Variants in DLGAP1 observed in about 807,000 individuals in gnomAD.
DLGAP1 encodes disks large-associated protein 1.
DLGAP1 carries 11 observed loss-of-function variants against 90.8 expected under a neutral mutation model. The observed-to-expected ratio is 0.12, with a 90% confidence interval of 0.08 to 0.20. The LOEUF is 0.20. Ranked by LOEUF, DLGAP1 falls within the 10% of genes least tolerant of loss-of-function variation. The pLI is 1.00. For synonymous variants in DLGAP1, 558 were observed against 540.7 expected (o/e 1.03, Z -0.44); for missense variants, 1,050 against 1,333.8 (o/e 0.79, Z 3.31).
intron 3 of DLGAP1, among the ~76,000 whole-genome samples, chr18:3,893,702 G>A (rs867112903): frequency 3.3e-5 from 5 of 151,838 alleles, no homozygotes; most frequent in Non-Finnish European, 4.4e-5. Context: ...ATAAACATGA[G>A]TGCAGGTATC....
chr18:4,354,128 C>T (rs190866577), intron 1 of DLGAP1, among the ~76,000 whole-genome samples: 1 of 152,290 alleles, frequency 6.6e-6, no homozygotes, highest in African/African-American at 2.4e-5. Flanking sequence ...CTGAAGGGGC[C>T]TCAAAAGCAA....
chr18:4,391,580 A>G (rs2082341247), intron 1 of DLGAP1, among the ~76,000 whole-genome samples: 1 of 152,136 alleles, frequency 6.6e-6, no homozygotes, highest in African/African-American at 2.4e-5. Context: ...CTTGAAGGAA[A>G]TTGAAGAAGC....
intron 3 of DLGAP1, among the ~76,000 whole-genome samples, chr18:3,960,805 T>G (rs889992231): frequency 2.0e-5 from 3 of 152,174 alleles, no homozygotes; most frequent in African/African-American, 7.2e-5. Flanking sequence ...GGCCCCCTCT[T>G]GCAGTTGTGG....
At chr18:4,389,805 G>C (rs1322553211) in intron 1 of DLGAP1, among the ~76,000 whole-genome samples, 3 of 152,156 alleles carry the variant, frequency 2.0e-5, no homozygotes, top group Non-Finnish European at 4.4e-5. Context: ...TCACGAGTTT[G>C]CTGTTGGCAC....
chr18:4,079,726 G>A (rs1292911651), intron 2 of DLGAP1, among the ~76,000 whole-genome samples: 1 of 151,028 alleles, frequency 6.6e-6, no homozygotes, highest in Non-Finnish European at 1.5e-5. Flanking sequence ...AAGAAAATCA[G>A]TGTGTGTATG....
intron 7 of DLGAP1, among the ~76,000 whole-genome samples, chr18:3,623,645 C>T (rs1022260103): frequency 1.3e-5 from 2 of 151,940 alleles, no homozygotes; most frequent in East Asian, 1.9e-4. Flanking sequence ...GGCGTGGTGG[C>T]GCATGCCTGT....
intron 1 of DLGAP1, among the ~76,000 whole-genome samples, chr18:4,415,341 G>A (rs2144641216): frequency 6.6e-6 from 1 of 152,216 alleles, no homozygotes; most frequent in South Asian, 2.1e-4. Flanking sequence ...TGGCACATGT[G>A]ATATGACAAT....
At chr18:3,975,023 G>T (rs569868672) in intron 3 of DLGAP1, among the ~76,000 whole-genome samples, 1 of 152,250 alleles carries the variant, frequency 6.6e-6, no homozygotes, top group Admixed American at 6.5e-5. Context: ...GCCAGGGGCT[G>T]GGCAAGGGGA....
chr18:4,282,397 A>G (rs891257168), intron 1 of DLGAP1, among the ~76,000 whole-genome samples: 3 of 151,634 alleles, frequency 2.0e-5, no homozygotes, highest in African/African-American at 7.3e-5. Flanking sequence ...AAATGATAGA[A>G]TTTTCTGCTG....
chr18:3,506,855 A>G (rs1050192918), intron 11 of DLGAP1, among the ~76,000 whole-genome samples: 3 of 152,226 alleles, frequency 2.0e-5, no homozygotes, highest in African/African-American at 7.2e-5. Flanking sequence ...GGAGTTCTGT[A>G]CCTGGCCCAC....
chr18:3,924,238 T>C (rs2072331854), intron 3 of DLGAP1, among the ~76,000 whole-genome samples: 1 of 152,220 alleles, frequency 6.6e-6, no homozygotes, highest in Non-Finnish European at 1.5e-5. Flanking sequence ...AAAGCCCATT[T>C]ATCATCTTGC....
Position 3,568,966 on chromosome 18 carries a change from A to G in DLGAP1, c.1966-1385T>C, listed in dbSNP as rs192175185. Among the ~76,000 whole-genome samples the G allele has an allele frequency of 4.3e-3, 636 of 148,570 alleles. 5 individuals are homozygous for G. The highest frequency in any genetic ancestry group is 0.013 in the African/African-American group (525 of 40,674). On this transcript the variant is annotated intron_variant, in intron 8 of 12. Transcript: ENST00000315677. ...CTCCCAAAGTGCTGGGATTACAGCC[A>G]TGAGCCACCACGCCTGGCCTAAATG...
chr18:4,445,835 T>C (rs2083651081), intron 1 of DLGAP1, among the ~76,000 whole-genome samples: 2 of 152,034 alleles, frequency 1.3e-5, no homozygotes, highest in Admixed American at 1.3e-4. Context: ...TGAGTAGTCA[T>C]AAAATGTGTG....
At chr18:3,548,219 A>G (rs769315681) in intron 9 of DLGAP1, among the ~76,000 whole-genome samples, 1 of 152,182 alleles carries the variant, frequency 6.6e-6, no homozygotes, top group Non-Finnish European at 1.5e-5. Flanking sequence ...TGAATTGTAT[A>G]CCTTAAAATG....
At chr18:4,082,352 A>AAAAAG (rs1482500123) in intron 2 of DLGAP1, among the ~76,000 whole-genome samples, 15 of 148,192 alleles carry the variant, frequency 1.0e-4, no homozygotes, top group African/African-American at 1.5e-4. Context: ...AAAAAAAAAA[A>AAAAAG]AAAAAAAAAT....
chr18:3,676,846 C>T (rs924083671), intron 7 of DLGAP1, among the ~76,000 whole-genome samples: 1 of 152,142 alleles, frequency 6.6e-6, no homozygotes, highest in African/African-American at 2.4e-5. Flanking sequence ...ACTCTCTCTC[C>T]TATCTGCGTT....
At chr18:3,538,861 C>T (rs1468703931) in intron 9 of DLGAP1, among the ~76,000 whole-genome samples, 1 of 152,222 alleles carries the variant, frequency 6.6e-6, no homozygotes, top group Non-Finnish European at 1.5e-5. Context: ...CAGAACTGTA[C>T]TACCCGCATT....
chr18:4,017,545 C>A (rs912504872), intron 2 of DLGAP1, among the ~76,000 whole-genome samples: 2 of 152,126 alleles, frequency 1.3e-5, no homozygotes, highest in African/African-American at 4.8e-5. Flanking sequence ...TGCTCCCAAA[C>A]AAATAAACAT....
chr18:4,109,010 T>C (rs1413754890), intron 2 of DLGAP1, among the ~76,000 whole-genome samples: 1 of 152,172 alleles, frequency 6.6e-6, no homozygotes, highest in African/African-American at 2.4e-5. Context: ...AACTCCGTAA[T>C]GTTTGGAGCT....
Sources: allele counts gnomAD v4.1 joint callset (sites outside exome capture counted in the v4.1 genomes callset), GRCh38; gene constraint gnomAD v4.1.1; transcripts MANE v1.5; gene names NCBI Gene and HGNC (gene_info 2026-07-23, HGNC 2026-07-21).